BCAS3: variants seen among roughly 807,000 people sequenced by gnomAD.
The protein encoded by BCAS3 is BCAS3 microtubule associated cell migration factor.
A neutral mutation model predicts 116.1 loss-of-function variants in BCAS3; 53 were observed. The observed-to-expected ratio is 0.46, with a 90% confidence interval of 0.37 to 0.57. BCAS3 has a LOEUF of 0.57. Among genes scored for constraint, BCAS3 ranks in the 20% least tolerant of loss-of-function variants. BCAS3 has a pLI of 0.00. For missense variants in BCAS3, 917 were observed against 1,165.4 expected, an observed-to-expected ratio of 0.79 and a Z score of 3.10; for synonymous variants, 391 against 408.2, an observed-to-expected ratio of 0.96 and a Z score of 0.51.
In BCAS3 at chr17:61,381,623, A is replaced by G. The variant is rs1242321879; in HGVS notation, c.2594-10354A>G. Among the ~76,000 whole-genome samples, 1 of 152,196 alleles carries G rather than the reference A, an allele frequency of 6.6e-6. No individual in the cohort carries two copies. Among genetic ancestry groups the G allele is most frequent in the Non-Finnish European group, 1.5e-5 (1 of 68,036 alleles). On this transcript the variant is annotated intron_variant, in intron 23 of 23. Coordinates refer to ENST00000407086, the MANE Select transcript of BCAS3 (RefSeq NM_017679.5). The surrounding 1 kb of genome is among the most constrained non-coding windows in gnomAD (Gnocchi z 6.0). ...ATGCCACCGAGAAGTTAAATCTATT[A>G]CTAAACTCAGGTTTACCATCTGGAA...
intron 7 of BCAS3, 142 bp downstream of exon 7, chr17:60,808,218 AG>A: frequency 1.7e-6 from 1 of 605,354 alleles, no homozygotes. Flanking sequence ...AAACATATTT[AG>A]GGTTTCCAAC....
At chr17:60,772,478 T>C (rs1287106577) in intron 6 of BCAS3, among the ~76,000 whole-genome samples, 1 of 152,204 alleles carries the variant, frequency 6.6e-6, no homozygotes, top group Non-Finnish European at 1.5e-5. Context: ...ATGGGTAGAT[T>C]GCAAATATTT....
At chr17:60,756,913 G>C (rs10853020) in intron 6 of BCAS3, among the ~76,000 whole-genome samples, 110,306 of 152,010 alleles carry the variant, frequency 0.73, 45,725 homozygotes, top group South Asian at 0.98. Context: ...TTGGCCAGGC[G>C]CGGTGGCTCA....
In BCAS3 at chr17:61,141,551, C is replaced by T. The variant is rs1187869493; in HGVS notation, c.2425+56987C>T. On this transcript the variant is annotated intron_variant, in intron 22 of 23. Coordinates refer to ENST00000407086, the MANE Select transcript of BCAS3 (RefSeq NM_017679.5). This position sits in a 1 kb window ranked among gnomAD's most constrained non-coding sequence, Gnocchi z 4.3. ...CCAGCCTGGGCGGCAGAGCGAGACCCTGTCTCAAAAAATAAAATAAAAGTT... is the reference window on the plus strand; with the variant it reads ...CCAGCCTGGGCGGCAGAGCGAGACCTTGTCTCAAAAAATAAAATAAAAGTT... Among the ~76,000 whole-genome samples, 1 of 152,016 alleles carries T rather than the reference C, an allele frequency of 6.6e-6. No homozygotes were observed. Among genetic ancestry groups the T allele is most frequent in the Non-Finnish European group, 1.5e-5 (1 of 67,996 alleles).
intron 9 of BCAS3, among the ~76,000 whole-genome samples, chr17:60,876,428 T>C (rs929456471): frequency 7.9e-5 from 12 of 151,960 alleles, no homozygotes; most frequent in Non-Finnish European, 1.5e-5. Flanking sequence ...GTGTAGATAG[T>C]AATTCTTATA....
chr17:60,736,500 T>C (rs977417645), intron 5 of BCAS3, among the ~76,000 whole-genome samples: 1 of 152,118 alleles, frequency 6.6e-6, no homozygotes, highest in Non-Finnish European at 1.5e-5. Context: ...GTCTTTTTTA[T>C]GGTTCCGGTG....
chr17:61,059,063 C>CTTTTTTTTTTTTT lies in BCAS3; in HGVS notation c.2030-15832_2030-15820dup. 5.6e-3 allele frequency among the ~76,000 whole-genome samples: 183 copies of CTTTTTTTTTTTTT among 32,810 alleles called. 27 individuals are homozygous for CTTTTTTTTTTTTT. The highest frequency in any genetic ancestry group is 7.7e-3 in the Non-Finnish European group (122 of 15,846). The allele number at this position is 32,810 out of a possible 152,430, so 21.5% of individuals were successfully genotyped here. ...TCCCCGAACTCTTTTTTCTCCCCATCTTTTTTTTTTTTTTTTTTTTTTTTT... is the reference window on the plus strand; with the variant it reads ...TCCCCGAACTCTTTTTTCTCCCCATCTTTTTTTTTTTTTTTTTTTTTTTTTTTTTTTTTTTTTT... On this transcript the variant is annotated intron_variant, in intron 19 of 23. Transcript: ENST00000407086.
chr17:61,300,429 G>A lies in BCAS3; in HGVS notation c.2426-67898G>A, dbSNP rs1396879158. Among the ~76,000 whole-genome samples, 1 of 152,084 alleles carries A rather than the reference G, an allele frequency of 6.6e-6. No homozygotes were observed. Among genetic ancestry groups the A allele is most frequent in the Admixed American group, 6.6e-5 (1 of 15,264 alleles). On this transcript the variant is annotated intron_variant, in intron 22 of 23. Coordinates refer to ENST00000407086, the MANE Select transcript of BCAS3 (RefSeq NM_017679.5). This position sits in a 1 kb window ranked among gnomAD's most constrained non-coding sequence, Gnocchi z 5.1. Reference sequence around the variant, plus strand: ...AAGGCATTACTCAGGTGACATTTGGGGAAGGAAATGATCAGTAGGGCAAGT... The same window carrying A: ...AAGGCATTACTCAGGTGACATTTGGAGAAGGAAATGATCAGTAGGGCAAGT...
At chr17:61,194,319 G>T (rs1466197736) in intron 22 of BCAS3, among the ~76,000 whole-genome samples, 2 of 152,148 alleles carry the variant, frequency 1.3e-5, no homozygotes, top group Non-Finnish European at 2.9e-5. Context: ...CTTTGTCATT[G>T]GTTAACCCGA....
intron 14 of BCAS3, among the ~76,000 whole-genome samples, chr17:60,949,674 A>G (rs1244119033): frequency 6.6e-6 from 1 of 152,196 alleles, no homozygotes; most frequent in Non-Finnish European, 1.5e-5. Flanking sequence ...TCGTCAGACT[A>G]ATTGGGATAT....
At chr17:60,808,181 C>T in intron 7 of BCAS3, 105 bp downstream of exon 7, 1 of 762,570 alleles carries the variant, frequency 1.3e-6, no homozygotes, top group South Asian at 1.8e-5. Context: ...AGACTAAGCT[C>T]TCATAAGAGA....
At position 61,259,563 on chromosome 17, in the gene BCAS3, G is replaced by C. The variant is rs932756390; in HGVS notation, c.2426-108764G>C. Among the ~76,000 whole-genome samples, 6 of 152,158 alleles carry C rather than the reference G, an allele frequency of 3.9e-5. No individual in the cohort carries two copies. Among genetic ancestry groups the C allele is most frequent in the African/African-American group, 1.4e-4 (6 of 41,430 alleles). ...AACTGCTACTCCAGAAAGCAAGTTGGTCAACAGAAGAATTTTAATGAAGCC... is the reference window on the plus strand; with the variant it reads ...AACTGCTACTCCAGAAAGCAAGTTGCTCAACAGAAGAATTTTAATGAAGCC... On this transcript the variant is annotated intron_variant, in intron 22 of 23. Transcript: ENST00000407086. This position sits in a 1 kb window ranked among gnomAD's most constrained non-coding sequence, Gnocchi z 4.7.
chr17:60,996,496 G>A (rs2063846786), intron 15 of BCAS3, among the ~76,000 whole-genome samples: 1 of 152,164 alleles, frequency 6.6e-6, no homozygotes. Context: ...GATAGGGTTG[G>A]TGTCAATTGA....
chr17:60,860,551 C>T (rs143699551), intron 7 of BCAS3, among the ~76,000 whole-genome samples: 144 of 152,236 alleles, frequency 9.5e-4, no homozygotes, highest in Non-Finnish European at 7.4e-4. Flanking sequence ...AAATCTTTGC[C>T]AGGGCATGTG....
rs562976651 is a variant in BCAS3 at position 61,097,950 on chromosome 17, A to C, written c.2425+13386A>C. ...GAGAATCAACTATTCAGGTGGTGAA[A>C]ATGTGTGAATGCAGCTGGCAGATGA... On this transcript the variant is annotated intron_variant, in intron 22 of 23. Coordinates refer to ENST00000407086, the MANE Select transcript of BCAS3 (RefSeq NM_017679.5). The surrounding 1 kb of genome is among the most constrained non-coding windows in gnomAD (Gnocchi z 4.0). 6.6e-6 allele frequency among the ~76,000 whole-genome samples: 1 copy of C among 152,302 alleles called. No individual in the cohort carries two copies. The highest frequency in any genetic ancestry group is 2.1e-4 in the South Asian group (1 of 4,826).
intron 4 of BCAS3, among the ~76,000 whole-genome samples, chr17:60,707,442 G>A (rs552408259): frequency 6.6e-6 from 1 of 152,210 alleles, no homozygotes; most frequent in South Asian, 2.1e-4. Context: ...TGGGGGATGG[G>A]GGGTACTTAG....
In BCAS3 at chr17:60,807,866, C is replaced by G. The variant is rs2048427114; in HGVS notation, c.404-138C>G. 3 of 534,322 alleles carry G rather than the reference C, an allele frequency of 5.6e-6. 1 individual carries two copies. In the South Asian group the frequency reaches 9.2e-5, roughly 16 times the overall value. The allele number at this position is 534,322 out of a possible 1,614,324, so 33.1% of individuals were successfully genotyped here. On this transcript the variant is annotated intron_variant, in intron 6 of 23. Coordinates refer to ENST00000407086, the MANE Select transcript of BCAS3 (RefSeq NM_017679.5). ...ATGATTTTATATAGTAGCTTTTCTTCTTTTTATTCAATTGTATAAATTATG... is the reference window on the plus strand; with the variant it reads ...ATGATTTTATATAGTAGCTTTTCTTGTTTTTATTCAATTGTATAAATTATG...
rs1413061573 is a variant in BCAS3 at position 60,850,350 on chromosome 17, T to G, written c.477-18226T>G. 1.0e-4 allele frequency among the ~76,000 whole-genome samples: 14 copies of G among 134,180 alleles called. No individual in the cohort carries two copies. The South Asian group carries it at 2.8e-3, about 26-fold the overall frequency. 88.0% of individuals were successfully genotyped at this position (134,180 alleles called of 152,430 possible). On this transcript the variant is annotated intron_variant, in intron 7 of 23. Coordinates refer to ENST00000407086, the MANE Select transcript of BCAS3 (RefSeq NM_017679.5). ...CCCTAACTCCTGGCACCACTGTTTT[T>G]TTTTTTTTTTTTTTTTTTTTTTTTG...
Position 60,947,358 on chromosome 17 carries a change from C to T in BCAS3, c.1221+6C>T, listed in dbSNP as rs2060559676. On this transcript the variant is annotated splice_donor_region_variant and intron_variant, in intron 14 of 23. Coordinates refer to ENST00000407086, the MANE Select transcript of BCAS3 (RefSeq NM_017679.5). ...GGGGAGAAACTGAAGCCAAAGTAAG[C>T]TGTATAATTTTTCAGAAGGCGATTT... 1 of 1,611,496 alleles carries T rather than the reference C, an allele frequency of 6.2e-7. No homozygotes were observed. Among genetic ancestry groups the T allele is most frequent in the Admixed American group, 1.7e-5 (1 of 59,674 alleles).
Sources: allele counts gnomAD v4.1 joint callset (sites outside exome capture counted in the v4.1 genomes callset), GRCh38; gene constraint gnomAD v4.1.1; non-coding constraint Gnocchi (gnomAD v3.1); transcripts MANE v1.5; gene names NCBI Gene and HGNC (gene_info 2026-07-23, HGNC 2026-07-21).